ICOS: variants seen among roughly 807,000 people sequenced by gnomAD.
ICOS encodes inducible T cell costimulator.
ICOS carries 15 observed loss-of-function variants against 24.6 expected under a neutral mutation model. The ratio of observed to expected loss-of-function variants is 0.61; its 90% CI spans 0.41 to 0.94. The LOEUF is 0.94. ICOS is among the 40% of genes least tolerant of loss of function. The probability of loss-of-function intolerance (pLI) is 0.00; values close to 1 mark genes in which losing one functional copy is unlikely to be tolerated. For synonymous variants in ICOS, 89 were observed against 77.5 expected, an observed-to-expected ratio of 1.15 and a Z score of -0.78; for missense variants, 200 against 233.0, an observed-to-expected ratio of 0.86 and a Z score of 0.92.
chr2:203,955,278 T>C (rs921397076), intron 1 of ICOS, among the ~76,000 whole-genome samples: 1 of 152,168 alleles, frequency 6.6e-6, no homozygotes, highest in Admixed American at 6.5e-5. Context: ...TATCACAAAT[T>C]ATGTTGCATT....
chr2:203,959,222 A>T (rs967459787), intron 4 of ICOS, among the ~76,000 whole-genome samples: 2 of 152,198 alleles, frequency 1.3e-5, no homozygotes, highest in Admixed American at 1.3e-4. Flanking sequence ...ATGAGTCTTC[A>T]GAGAAAGTCT....
chr2:203,954,036 C>T (rs1690030326), intron 1 of ICOS, among the ~76,000 whole-genome samples: 1 of 151,962 alleles, frequency 6.6e-6, no homozygotes, highest in Non-Finnish European at 1.5e-5. Flanking sequence ...AAAACAAAGA[C>T]CAAGATTTCA....
intron 3 of ICOS, among the ~76,000 whole-genome samples, chr2:203,957,266 C>G (rs997371108): frequency 6.6e-6 from 1 of 152,056 alleles, no homozygotes; most frequent in African/African-American, 2.4e-5. Flanking sequence ...AAATTGACAA[C>G]TTTTTTACAT....
chr2:203,956,152 G>C (rs1477657895), intron 2 of ICOS, among the ~76,000 whole-genome samples, 181 bp downstream of exon 2: 1 of 152,096 alleles, frequency 6.6e-6, no homozygotes, highest in Non-Finnish European at 1.5e-5. Context: ...ATCATAATTA[G>C]TATTATTCAG....
At chr2:203,952,587 T>C (rs1690004288) in intron 1 of ICOS, among the ~76,000 whole-genome samples, 2 of 152,202 alleles carry the variant, frequency 1.3e-5, no homozygotes, top group South Asian at 2.1e-4. Context: ...TTCTAACTAA[T>C]TTTTCCAACC....
At chr2:203,943,454 A>G (rs114710497) in intron 1 of ICOS, among the ~76,000 whole-genome samples, 7 of 151,760 alleles carry the variant, frequency 4.6e-5, no homozygotes, top group East Asian at 1.9e-4. Context: ...CAGCAAATCT[A>G]CCCGGCTCTG....
intron 1 of ICOS, among the ~76,000 whole-genome samples, chr2:203,949,393 C>T (rs1272250198): frequency 6.6e-6 from 1 of 152,144 alleles, no homozygotes; most frequent in African/African-American, 2.4e-5. Context: ...CTTTCATGCA[C>T]CCAGGAAGCT....
In ICOS at chr2:203,959,862, A is replaced by T; in HGVS notation, c.*263A>T. 1.8e-6 allele frequency: 1 copy of T among 564,678 alleles called. No individual in the cohort carries two copies. The highest frequency in any genetic ancestry group is 3.2e-6 in the Non-Finnish European group (1 of 313,376). The allele number at this position is 564,678 out of a possible 1,614,324, so 35.0% of individuals were successfully genotyped here. A position where few individuals can be genotyped will look rare whatever the true frequency, so the allele number is the denominator to read the frequency against. On this transcript the variant is annotated 3_prime_UTR_variant, in exon 5 of 5. Coordinates refer to ENST00000316386, the MANE Select transcript of ICOS (RefSeq NM_012092.4). ...GCCCAGCTCCTGTGTGCTCACTGGG[A>T]GTGGAATCCCTGTCTCCACATCTGC...
At chr2:203,948,880 G>A (rs1474817875) in intron 1 of ICOS, among the ~76,000 whole-genome samples, 1 of 152,154 alleles carries the variant, frequency 6.6e-6, no homozygotes, top group East Asian at 1.9e-4. Context: ...GTGTGTTTGA[G>A]GAACAGAAAG....
intron 1 of ICOS, among the ~76,000 whole-genome samples, chr2:203,938,789 A>C (rs1689711317): frequency 6.6e-6 from 1 of 152,214 alleles, no homozygotes. Context: ...AACAATATTC[A>C]TCGTAGATTC....
intron 1 of ICOS, among the ~76,000 whole-genome samples, chr2:203,946,458 A>G (rs941745629): frequency 4.3e-4 from 56 of 130,482 alleles, no homozygotes; most frequent in Admixed American, 2.2e-3. Context: ...TTAGGCATTT[A>G]GGTTAGATTG....
chr2:203,937,972 T>C (rs1689690266), intron 1 of ICOS, among the ~76,000 whole-genome samples: 1 of 152,238 alleles, frequency 6.6e-6, no homozygotes, highest in South Asian at 2.1e-4. Context: ...TTGGAATTTA[T>C]ATTCATTCTT....
chr2:203,945,538 T>C (rs750807240), intron 1 of ICOS, among the ~76,000 whole-genome samples: 4 of 152,192 alleles, frequency 2.6e-5, no homozygotes, highest in Non-Finnish European at 5.9e-5. Flanking sequence ...GACGCAATGA[T>C]GTCTACTAGA....
rs747590481 is a variant in ICOS at position 203,956,640 on chromosome 2, A to G, written c.395-19A>G. ...GTTCAGCAGAATTTTTCATTAACAT[A>G]CCTTTTTTTCCAATCCAGAATCACA... is the stretch of plus-strand genomic sequence containing the variant. On this transcript the variant is annotated intron_variant, in intron 2 of 4. Transcript: ENST00000316386. The G allele has an allele frequency of 3.2e-6, 5 of 1,558,268 alleles. No homozygotes were observed. The highest frequency in any genetic ancestry group is 2.7e-5 in the African/African-American group (2 of 73,804).
intron 2 of ICOS, 40 bp from the exon 3 acceptor site, chr2:203,956,619 A>T: frequency 1.5e-6 from 2 of 1,359,580 alleles, no homozygotes; most frequent in Non-Finnish European, 2.1e-6. Context: ...CTTGTGGTTC[A>T]GCAGAATTTT....
chr2:203,941,085 C>T (rs971118482), intron 1 of ICOS, among the ~76,000 whole-genome samples: 8 of 152,166 alleles, frequency 5.3e-5, no homozygotes, highest in African/African-American at 1.9e-4. Flanking sequence ...CGTGAGCCAC[C>T]GCGCCCCGCT....
At position 203,961,440 on chromosome 2, in the gene ICOS, TG is replaced by T; in HGVS notation, c.*1844del. 6.2e-6 allele frequency: 1 copy of T among 161,794 alleles called. No homozygotes were observed. The highest frequency in any genetic ancestry group is 1.4e-5 in the Non-Finnish European group (1 of 74,008). The allele number at this position is 161,794 out of a possible 1,614,324, so 10.0% of individuals were successfully genotyped here. ...CCTCGACACATCCTCATCCCCAGCA[TG>T]GGACACCTCAAGATGAATAATAATT... On this transcript the variant is annotated 3_prime_UTR_variant, in exon 5 of 5. Transcript: ENST00000316386.
intron 1 of ICOS, among the ~76,000 whole-genome samples, chr2:203,949,144 A>G (rs1475471774): frequency 1.3e-5 from 2 of 152,224 alleles, no homozygotes; most frequent in African/African-American, 4.8e-5. Context: ...AGTCCCAGAG[A>G]GAGATGACAA....
intron 4 of ICOS, 116 bp downstream of exon 4, chr2:203,957,999 C>T (rs1299683503): frequency 1.5e-6 from 1 of 653,086 alleles, no homozygotes; most frequent in East Asian, 2.8e-5. Context: ...AGGCCTAATT[C>T]TAGAATTTTC....
Sources: gnomAD v4.1 joint callset for allele counts (sites outside exome capture counted in the v4.1 genomes callset) on GRCh38, gnomAD v4.1.1 for gene constraint, MANE v1.5 for transcripts, NCBI Gene and HGNC (gene_info 2026-07-23, HGNC 2026-07-21) for gene names.